TRIM50: variants seen among roughly 807,000 people sequenced by gnomAD.
TRIM50 encodes tripartite motif containing 50.
Under a neutral mutation model 44.9 loss-of-function variants are expected in TRIM50, and 34 were observed. The observed-to-expected ratio is 0.76, with a 90% CI of 0.58 to 1.01. TRIM50 has a LOEUF of 1.01. TRIM50 is among the 50% of genes least tolerant of loss of function. TRIM50 has a pLI of 0.00. For missense variants in TRIM50, 633 were observed against 663.7 expected, an observed-to-expected ratio of 0.95 and a Z score of 0.51; for synonymous variants, 307 against 291.1, an observed-to-expected ratio of 1.05 and a Z score of -0.56.
chr7:73,315,883 T>G (rs1358424412), intron 6 of TRIM50, among the ~76,000 whole-genome samples: 1 of 147,108 alleles, frequency 6.8e-6, no homozygotes, highest in Non-Finnish European at 1.5e-5. Flanking sequence ...GGATATTACT[T>G]TTTTTTTTTT....
intron 1 of TRIM50, chr7:73,325,545 A>C (rs545520314): frequency 6.5e-6 from 1 of 154,248 alleles, no homozygotes; most frequent in East Asian, 1.9e-4. Context: ...AGCAGGGAAC[A>C]GCAGGCACAG....
chr7:73,312,954 GC>G lies in TRIM50; in HGVS notation c.1430del (p.Gly477AlafsTer39), dbSNP rs1412991074. 1 of 1,549,356 alleles carries G rather than the reference GC, an allele frequency of 6.5e-7. No individual in the cohort carries two copies. Among genetic ancestry groups the G allele is most frequent in the Non-Finnish European group, 8.7e-7 (1 of 1,146,444 alleles). On this transcript the variant is annotated frameshift_variant, in exon 7 of 7. Transcript: ENST00000333149. LOFTEE classifies it high-confidence loss of function. ...PMVLPPPSGP[G>X]PLSPEQPTKL is the part of the protein sequence containing the mutation. ...TGGTGGGCTGCTCGGGGCTGAGGGG[GC>G]CAGGCCCGCTGGGCGGGGGCAGCAC... is the stretch of plus-strand genomic sequence containing the variant.
chr7:73,327,946 C>T lies in TRIM50; in HGVS notation c.-65G>A. ...TGCCCCATCGTGCTCTCTGTCGCTCCAGTTAGATGCCCCATCCTGCCCCGC... is the reference window on the plus strand; with the variant it reads ...TGCCCCATCGTGCTCTCTGTCGCTCTAGTTAGATGCCCCATCCTGCCCCGC... On this transcript the variant is annotated 5_prime_UTR_variant, in exon 1 of 7. Transcript: ENST00000333149. 1 of 530,456 alleles carries T rather than the reference C, an allele frequency of 1.9e-6. No homozygotes were observed. Among genetic ancestry groups the T allele is most frequent in the Non-Finnish European group, 3.4e-6 (1 of 292,766 alleles). The allele number at this position is 530,456 out of a possible 1,614,324, so 32.9% of individuals were successfully genotyped here.
At chr7:73,326,116 C>G (rs1213265465) in intron 1 of TRIM50, among the ~76,000 whole-genome samples, 1 of 152,220 alleles carries the variant, frequency 6.6e-6, no homozygotes, top group Non-Finnish European at 1.5e-5. Context: ...TCTTCAACTT[C>G]TGGGCTCAAG....
Position 73,320,216 on chromosome 7 carries a change from C to A in TRIM50, c.426G>T (p.Glu142Asp). 1 of 1,614,022 alleles carries A rather than the reference C, an allele frequency of 6.2e-7. No homozygotes were observed. The highest frequency in any genetic ancestry group is 8.5e-7 in the Non-Finnish European group (1 of 1,179,882). The change falls in exon 3 of 7, where the codon GAG becomes GAT. Residue 142 changes from glutamate (E) to aspartate (D), a missense_variant. Glu to Asp is a conservative substitution (Grantham distance 45). Coordinates refer to ENST00000333149, the MANE Select transcript of TRIM50 (RefSeq NM_178125.3). ...MKEELAALIS[E>D]LKQEQKKVDE... ...CCACCTTTTTCTGCTCCTGCTTCAG[C>A]TCAGAGATGAGGGCTGCGAGCTCCT... is the stretch of plus-strand genomic sequence containing the variant.
In TRIM50 at chr7:73,313,289, T is replaced by C. The variant is rs146826808; in HGVS notation, c.1096A>G (p.Ile366Val). 79 of 1,605,366 alleles carry C rather than the reference T, an allele frequency of 4.9e-5. No homozygotes were observed. Among genetic ancestry groups the C allele is most frequent in the Non-Finnish European group, 6.5e-5 (77 of 1,176,976 alleles). The part of the protein sequence containing the change: ...GSKSDWRLGV[I>V]KGTASRKGKL... ...CCCTTACGGCTGGCTGTGCCCTTGA[T>C]GACCCCCAGGCGCCAGTCGCTCTTG... Residue 366 changes from isoleucine (I) to valine (V), a missense_variant, in exon 7 of 7, where the codon ATC becomes GTC. Ile to Val is a conservative substitution (Grantham distance 29, BLOSUM62 3). Transcript: ENST00000333149. The surrounding 1 kb of genome is among the most constrained non-coding windows in gnomAD (Gnocchi z 4.9).
chr7:73,318,554 G>A (rs1804411895), intron 5 of TRIM50, 133 bp downstream of exon 5: 3 of 1,575,650 alleles, frequency 1.9e-6, no homozygotes, highest in Non-Finnish European at 2.6e-6. Context: ...GTTTTTCCCA[G>A]GCTCAGTTAT....
intron 6 of TRIM50, 27 bp downstream of exon 6, chr7:73,316,538 A>G: frequency 6.2e-7 from 1 of 1,613,220 alleles, no homozygotes; most frequent in Non-Finnish European, 8.5e-7. Flanking sequence ...GGCAGCCCTC[A>G]GGAAGGAGGA....
intron 1 of TRIM50, among the ~76,000 whole-genome samples, chr7:73,327,391 G>A (rs1210301623): frequency 6.6e-6 from 1 of 152,198 alleles, no homozygotes; most frequent in Non-Finnish European, 1.5e-5. Context: ...GGAGGCTGAG[G>A]CAAGAGGATC....
chr7:73,319,668 C>T (rs1258029283), intron 3 of TRIM50, among the ~76,000 whole-genome samples: 5 of 152,180 alleles, frequency 3.3e-5, no homozygotes, highest in Admixed American at 2.0e-4. Flanking sequence ...GGATCTTGCC[C>T]GGCTCCTGTT....
Position 73,313,207 on chromosome 7 carries a change from C to A in TRIM50, c.1178G>T (p.Arg393Leu), listed in dbSNP as rs782523434. 3 of 1,591,474 alleles carry A rather than the reference C, an allele frequency of 1.9e-6. No homozygotes were observed. Among genetic ancestry groups the A allele is most frequent in the East Asian group, 2.3e-5 (1 of 43,892 alleles). Residue 393 changes from arginine (R) to leucine (L), a missense_variant, in exon 7 of 7, where the codon CGG becomes CTG. Transcript: ENST00000333149. The surrounding 1 kb of genome is among the most constrained non-coding windows in gnomAD (Gnocchi z 4.9). Reference protein sequence around the residue: ...GVWLIGLKEGRVYEAFACPRV... With the variant: ...GVWLIGLKEGLVYEAFACPRV... Reference sequence around the variant, plus strand: ...GGGGCAGGCAAAGGCTTCGTACACCCGGCCCTCCTTCAGGCCGATCAGCCA... The same window carrying A: ...GGGGCAGGCAAAGGCTTCGTACACCAGGCCCTCCTTCAGGCCGATCAGCCA...
chr7:73,327,337 A>G (rs1804659453), intron 1 of TRIM50, among the ~76,000 whole-genome samples: 1 of 152,122 alleles, frequency 6.6e-6, no homozygotes, highest in Non-Finnish European at 1.5e-5. Context: ...TAAAAAATAA[A>G]TTAGCTGGGC....
In TRIM50 at chr7:73,324,793, C is replaced by T. The variant is rs559604741; in HGVS notation, c.-6G>A. ...AGGCTCACCTGCCAAGCCATCCACACTCACTGCCCGGGCTGAAACACAGGC... is the reference window on the plus strand; with the variant it reads ...AGGCTCACCTGCCAAGCCATCCACATTCACTGCCCGGGCTGAAACACAGGC... On this transcript the variant is annotated 5_prime_UTR_variant, in exon 2 of 7. The change creates a new upstream start codon in the 5' untranslated region. Coordinates refer to ENST00000333149, the MANE Select transcript of TRIM50 (RefSeq NM_178125.3). 1.2e-6 allele frequency: 2 copies of T among 1,613,658 alleles called. No homozygotes were observed. Among genetic ancestry groups the T allele is most frequent in the Admixed American group, 1.7e-5 (1 of 60,020 alleles).
At chr7:73,326,257 T>C (rs1269804063) in intron 1 of TRIM50, among the ~76,000 whole-genome samples, 1 of 152,078 alleles carries the variant, frequency 6.6e-6, no homozygotes, top group African/African-American at 2.4e-5. Context: ...TCTATTTTTT[T>C]TCATTTTATT....
In TRIM50 at chr7:73,318,952, C is replaced by A. The variant is rs577280948; in HGVS notation, c.596G>T (p.Gly199Val). The A allele has an allele frequency of 8.7e-6, 14 of 1,614,004 alleles. No homozygotes were observed. In the South Asian group the frequency reaches 1.4e-4, roughly 16 times the overall value. Reference sequence around the variant, plus strand: ...GGAGGCCACCAGGCCACGGGTGTGACCCCCTATCCCCTCCAGGCAGCGGGC... The same window carrying A: ...GGAGGCCACCAGGCCACGGGTGTGAACCCCTATCCCCTCCAGGCAGCGGGC... Reference protein sequence around the residue: ...EKARCLEGIGGHTRGLVASLD... With the variant: ...EKARCLEGIGVHTRGLVASLD... The change falls in exon 4 of 7, where the codon GGT (glycine) becomes GTT (valine). Residue 199 changes from glycine (G) to valine (V), a missense_variant. Transcript: ENST00000333149.
rs1242002903 is a variant in TRIM50, at chr7:73,313,843, C to T, written c.875-333G>A. Among the ~76,000 whole-genome samples the T allele has an allele frequency of 2.0e-5, 3 of 152,210 alleles. No individual in the cohort carries two copies. Among genetic ancestry groups the T allele is most frequent in the South Asian group, 2.1e-4 (1 of 4,832 alleles). On this transcript the variant is annotated intron_variant, in intron 6 of 6. Coordinates refer to ENST00000333149, the MANE Select transcript of TRIM50 (RefSeq NM_178125.3). The surrounding 1 kb of genome is among the most constrained non-coding windows in gnomAD (Gnocchi z 4.9). ...TGGAGAAAGAAATGGACACTGGGCT[C>T]GGGGTTCTGGCCTGCCTGCCTGACA...
At chr7:73,316,446 G>T in intron 6 of TRIM50, 119 bp downstream of exon 6, 1 of 1,378,650 alleles carries the variant, frequency 7.3e-7, no homozygotes. Context: ...CTCTCACTAG[G>T]ACCCTCCACA....
In TRIM50 at chr7:73,313,041, G is replaced by A. The variant is rs1804260487; in HGVS notation, c.1344C>T (p.Gly448=). ...PLYTFQADFQ[G]KLYPILDTCW... ...AGGTGTCCAGGATGGGGTAGAGCTT[G>A]CCCTGGAAGTCGGCCTGGAAGGTGT... The change falls in exon 7 of 7, where the codon GGC becomes GGT. Residue 448 remains glycine, a synonymous_variant. Coordinates refer to ENST00000333149, the MANE Select transcript of TRIM50 (RefSeq NM_178125.3). The surrounding 1 kb of genome is among the most constrained non-coding windows in gnomAD (Gnocchi z 4.9). The A allele has an allele frequency of 1.5e-5, 23 of 1,574,114 alleles. No individual in the cohort carries two copies. Among genetic ancestry groups the A allele is most frequent in the Non-Finnish European group, 2.0e-5 (23 of 1,159,812 alleles).
intron 5 of TRIM50, among the ~76,000 whole-genome samples, chr7:73,317,873 G>A (rs1261508227): frequency 1.3e-5 from 2 of 152,190 alleles, no homozygotes; most frequent in Non-Finnish European, 2.9e-5. Context: ...GCAAGGGTGA[G>A]GAGGGTAAGC....
Sources: allele counts gnomAD v4.1 joint callset (sites outside exome capture counted in the v4.1 genomes callset), GRCh38; gene constraint gnomAD v4.1.1; non-coding constraint Gnocchi (gnomAD v3.1); transcripts MANE v1.5; gene names NCBI Gene and HGNC (gene_info 2026-07-23, HGNC 2026-07-21).